Variants in STPG4 observed in about 807,000 individuals in gnomAD.
The protein encoded by STPG4 is sperm-tail PG-rich repeat containing 4.
Under a neutral mutation model 31.5 loss-of-function variants are expected in STPG4, and 41 were observed. The ratio of observed to expected loss-of-function variants is 1.30; its 90% CI spans 1.01 to 1.69. The LOEUF is 1.69. STPG4 is among the 40% of genes most tolerant of loss of function. STPG4 has a pLI of 0.00. For missense variants in STPG4, 375 were observed against 293.4 expected (o/e 1.28, Z -2.03); for synonymous variants, 141 against 103.0 (o/e 1.37, Z -2.24).
intron 3 of STPG4, among the ~76,000 whole-genome samples, chr2:47,141,138 C>T (rs914500902): frequency 1.3e-5 from 2 of 151,980 alleles, no homozygotes; most frequent in African/African-American, 4.8e-5. Flanking sequence ...CTGCCCCCCT[C>T]GGCCTCCCAA....
At chr2:47,153,340 G>A (rs140702816) in intron 1 of STPG4, among the ~76,000 whole-genome samples, 10 of 152,296 alleles carry the variant, frequency 6.6e-5, no homozygotes, top group East Asian at 3.9e-4. Context: ...AAGCCAGACC[G>A]ACTTAGGCTG....
intron 3 of STPG4, among the ~76,000 whole-genome samples, chr2:47,148,839 G>A (rs987112523): frequency 3.9e-5 from 6 of 152,150 alleles, no homozygotes; most frequent in Non-Finnish European, 8.8e-5. Flanking sequence ...CTTCATCCAT[G>A]TCCCTACAAA....
chr2:47,098,943 G>A (rs148186342), intron 5 of STPG4, among the ~76,000 whole-genome samples: 1 of 152,162 alleles, frequency 6.6e-6, no homozygotes, highest in Admixed American at 6.5e-5. Context: ...GGTCATATAC[G>A]CTGGTGGATG....
intron 5 of STPG4, among the ~76,000 whole-genome samples, chr2:47,096,475 A>G (rs1433405218): frequency 6.6e-6 from 1 of 152,210 alleles, no homozygotes; most frequent in African/African-American, 2.4e-5. Context: ...AACAAAATAA[A>G]AAGTGTTAAC....
intron 5 of STPG4, among the ~76,000 whole-genome samples, chr2:47,119,708 C>T (rs1381679215): frequency 1.3e-5 from 2 of 152,162 alleles, no homozygotes; most frequent in Non-Finnish European, 2.9e-5. Context: ...GGGCTGCTCA[C>T]CCAGTGCAGT....
rs572890103 is a variant in STPG4, at chr2:47,152,996, G to A, written c.102C>T (p.Ser34=). Residue 34 remains serine (S), a synonymous_variant, in exon 2 of 7, where the codon TCC becomes TCT. Coordinates refer to ENST00000445927, the MANE Select transcript of STPG4 (RefSeq NM_001163561.2). ...ITASKPAQKT[S]SFEREGWWRI... is the part of the protein sequence containing the mutation. ...TCCACCATCCTTCTCTTTCAAAAGA[G>A]GAAGTCTTTTGGGCTGGTTTCTGTT... 1 of 1,611,784 alleles carries A rather than the reference G, an allele frequency of 6.2e-7. No homozygotes were observed. The highest frequency in any genetic ancestry group is 2.2e-5 in the East Asian group (1 of 44,748).
At chr2:47,134,999 T>C (rs1451780249) in intron 3 of STPG4, among the ~76,000 whole-genome samples, 4 of 152,212 alleles carry the variant, frequency 2.6e-5, no homozygotes, top group Non-Finnish European at 5.9e-5. Context: ...ATGTCTTCTT[T>C]GGAGAGGTGT....
At chr2:47,136,153 T>C (rs1027780911) in intron 3 of STPG4, among the ~76,000 whole-genome samples, 1 of 145,622 alleles carries the variant, frequency 6.9e-6, no homozygotes, top group African/African-American at 2.6e-5. Flanking sequence ...GATTTCTTTC[T>C]TTTTTTTTTG....
chr2:47,089,075 G>A (rs771948456), intron 6 of STPG4, among the ~76,000 whole-genome samples: 13 of 152,160 alleles, frequency 8.5e-5, no homozygotes, highest in African/African-American at 3.1e-4. Context: ...ATAAGGGAGA[G>A]ACTCCACCAA....
intron 3 of STPG4, among the ~76,000 whole-genome samples, chr2:47,144,921 G>A (rs1686788913): frequency 6.6e-6 from 1 of 152,090 alleles, no homozygotes; most frequent in Admixed American, 6.5e-5. Flanking sequence ...CAGTAGAGAT[G>A]GGGTTTCACT....
At chr2:47,102,238 G>T (rs1187234412) in intron 5 of STPG4, among the ~76,000 whole-genome samples, 1 of 136,008 alleles carries the variant, frequency 7.4e-6, no homozygotes, top group African/African-American at 3.0e-5. Context: ...GACCATTGCA[G>T]GTTCTCGAGC....
chr2:47,139,089 T>G (rs1168522406), intron 3 of STPG4, among the ~76,000 whole-genome samples: 2 of 152,240 alleles, frequency 1.3e-5, no homozygotes, highest in African/African-American at 4.8e-5. Context: ...AGGCAGTCTA[T>G]AGACATAAAT....
chr2:47,145,448 C>G (rs1353974495), intron 3 of STPG4, among the ~76,000 whole-genome samples: 3 of 152,182 alleles, frequency 2.0e-5, no homozygotes, highest in Non-Finnish European at 4.4e-5. Flanking sequence ...AATTCCAGCC[C>G]AAATTCACAA....
chr2:47,101,501 C>G (rs905016735), intron 5 of STPG4, among the ~76,000 whole-genome samples: 3 of 151,830 alleles, frequency 2.0e-5, no homozygotes, highest in Non-Finnish European at 4.4e-5. Flanking sequence ...TTCCTCTCAC[C>G]TCTCTTCTCT....
chr2:47,106,360 G>T (rs1234461712), intron 5 of STPG4, among the ~76,000 whole-genome samples: 1 of 151,864 alleles, frequency 6.6e-6, no homozygotes, highest in Admixed American at 6.6e-5. Flanking sequence ...CAAAGCTCAA[G>T]TCCGTCAGCG....
At position 47,090,617 on chromosome 2, in the gene STPG4, C is replaced by T. The variant is rs1685551913; in HGVS notation, c.520-243G>A. 2.6e-5 allele frequency among the ~76,000 whole-genome samples: 4 copies of T among 152,156 alleles called. No homozygotes were observed. In the South Asian group the frequency reaches 8.3e-4, roughly 32 times the overall value. On this transcript the variant is annotated intron_variant, in intron 5 of 6. Coordinates refer to ENST00000445927, the MANE Select transcript of STPG4 (RefSeq NM_001163561.2). The stretch of plus-strand genomic sequence containing the variant: ...TGAAGGAACGTTAGGTGAGCAGTAC[C>T]TGCCTCCCTTCTCCCTGCCAGGGTC...
At chr2:47,103,286 G>C (rs1393393007) in intron 5 of STPG4, among the ~76,000 whole-genome samples, 1 of 151,896 alleles carries the variant, frequency 6.6e-6, no homozygotes, top group African/African-American at 2.4e-5. Context: ...GCTACGAGAG[G>C]CCTTAAGAAA....
intron 3 of STPG4, among the ~76,000 whole-genome samples, chr2:47,142,325 C>A (rs1414151902): frequency 6.6e-6 from 1 of 152,032 alleles, no homozygotes; most frequent in Non-Finnish European, 1.5e-5. Context: ...AAATTTGTTT[C>A]ATTTTCCATG....
rs371506601 is a variant in STPG4, at chr2:47,130,220, G to A, written c.440C>T (p.Ala147Val). The change falls in exon 4 of 7, where the codon GCA (alanine) becomes GTA (valine). Residue 147 changes from alanine to valine, a missense_variant. By Grantham distance (64) the Ala-to-Val change is moderately conservative. Coordinates refer to ENST00000445927, the MANE Select transcript of STPG4 (RefSeq NM_001163561.2). Reference sequence around the variant, plus strand: ...CCTGGAAGCATATTTGGGAACTGGTGCAGGAAGCACGTTGTATTGCCCCGG... The same window carrying A: ...CCTGGAAGCATATTTGGGAACTGGTACAGGAAGCACGTTGTATTGCCCCGG... Reference protein sequence around the residue: ...LSPGQYNVLPAPVPKYASRSC... With the variant: ...LSPGQYNVLPVPVPKYASRSC... The A allele has an allele frequency of 1.2e-5, 19 of 1,613,930 alleles. No individual in the cohort carries two copies. The highest frequency in any genetic ancestry group is 1.5e-5 in the Non-Finnish European group (18 of 1,179,912).
Sources: allele counts gnomAD v4.1 joint callset (sites outside exome capture counted in the v4.1 genomes callset), GRCh38; gene constraint gnomAD v4.1.1; transcripts MANE v1.5; gene names NCBI Gene and HGNC (gene_info 2026-07-23, HGNC 2026-07-21).